Variants in SH3RF1 observed in about 807,000 individuals in gnomAD.
The protein encoded by SH3RF1 is SH3 domain containing ring finger 1.
Under a neutral mutation model 74.0 loss-of-function variants are expected in SH3RF1, and 32 were observed. The ratio of observed to expected loss-of-function variants is 0.43; its 90% confidence interval spans 0.33 to 0.58. The LOEUF (loss-of-function observed/expected upper bound fraction) is 0.58. SH3RF1 is among the 20% of genes least tolerant of loss of function. SH3RF1 has a pLI of 0.05. For synonymous variants in SH3RF1, 396 were observed against 439.6 expected, an observed-to-expected ratio of 0.90 and a Z score of 1.24; for missense variants, 954 against 1,130.9, an observed-to-expected ratio of 0.84 and a Z score of 2.24.
At chr4:169,169,888 A>AT (rs1734298381) in intron 2 of SH3RF1, among the ~76,000 whole-genome samples, 1 of 152,150 alleles carries the variant, frequency 6.6e-6, no homozygotes, top group Non-Finnish European at 1.5e-5. Context: ...GGCTTTAAAA[A>AT]TACTTTGTAA....
In SH3RF1 at chr4:169,095,695, A is replaced by G. The variant is rs1185021459; in HGVS notation, c.*824T>C. 6.6e-6 allele frequency: 1 copy of G among 152,624 alleles called. No homozygotes were observed. The highest frequency in any genetic ancestry group is 2.4e-5 in the African/African-American group (1 of 41,448). The allele number at this position is 152,624 out of a possible 1,614,324, so 9.5% of individuals were successfully genotyped here. ...AATTTCCCCTACTTTCCAACCAAACAATTGAGCTGCTTCTGCTATAAAACT... is the reference window on the plus strand; with the variant it reads ...AATTTCCCCTACTTTCCAACCAAACGATTGAGCTGCTTCTGCTATAAAACT... On this transcript the variant is annotated 3_prime_UTR_variant, in exon 12 of 12. Transcript: ENST00000284637.
chr4:169,228,420 T>C (rs1189346390), intron 2 of SH3RF1, among the ~76,000 whole-genome samples: 1 of 152,136 alleles, frequency 6.6e-6, no homozygotes, highest in African/African-American at 2.4e-5. Flanking sequence ...GGGAAAAATC[T>C]GTTTTCTTGC....
At chr4:169,186,746 C>T (rs550527085) in intron 2 of SH3RF1, among the ~76,000 whole-genome samples, 108 of 151,074 alleles carry the variant, frequency 7.1e-4, no homozygotes, top group African/African-American at 2.5e-3. Context: ...GTGGCTCATG[C>T]CTGTAATCCC....
intron 2 of SH3RF1, among the ~76,000 whole-genome samples, chr4:169,184,803 A>G (rs1045791677): frequency 1.3e-5 from 2 of 152,218 alleles, no homozygotes; most frequent in Admixed American, 6.5e-5. Context: ...AATCTAAATC[A>G]TATCTTGATT....
intron 2 of SH3RF1, among the ~76,000 whole-genome samples, chr4:169,186,528 A>C (rs1196871801): frequency 6.6e-6 from 1 of 151,916 alleles, no homozygotes; most frequent in African/African-American, 2.4e-5. Context: ...ACTATTATAA[A>C]AGGACCCTTT....
chr4:169,266,171 C>G (rs868040052), intron 2 of SH3RF1, among the ~76,000 whole-genome samples: 1 of 152,190 alleles, frequency 6.6e-6, no homozygotes, highest in South Asian at 2.1e-4. Flanking sequence ...ACAAGATGTG[C>G]GTCACACATT....
intron 4 of SH3RF1, among the ~76,000 whole-genome samples, chr4:169,147,162 A>C (rs1733906581): frequency 6.6e-6 from 1 of 152,182 alleles, no homozygotes; most frequent in South Asian, 2.1e-4. Context: ...AGTTTTATAT[A>C]TATGTTTCCA....
intron 2 of SH3RF1, among the ~76,000 whole-genome samples, chr4:169,180,741 T>C (rs1449030206): frequency 1.3e-5 from 2 of 152,232 alleles, no homozygotes; most frequent in African/African-American, 4.8e-5. Context: ...CAGATTACTG[T>C]GTACTTGAAA....
intron 2 of SH3RF1, among the ~76,000 whole-genome samples, chr4:169,259,945 T>C (rs1384200004): frequency 6.6e-6 from 1 of 152,250 alleles, no homozygotes; most frequent in East Asian, 1.9e-4. Flanking sequence ...ATTTGCCTTT[T>C]GACCTTAAAA....
intron 2 of SH3RF1, among the ~76,000 whole-genome samples, chr4:169,184,424 G>T (rs1317193841): frequency 2.6e-5 from 4 of 152,226 alleles, no homozygotes; most frequent in African/African-American, 9.6e-5. Context: ...AACATGGGCT[G>T]TGAAGTCAGT....
At chr4:169,119,985 T>C (rs1322369778) in intron 8 of SH3RF1, among the ~76,000 whole-genome samples, 1 of 152,212 alleles carries the variant, frequency 6.6e-6, no homozygotes, top group Non-Finnish European at 1.5e-5. Context: ...AAATTTTGCA[T>C]ATCTAAAGCT....
chr4:169,198,953 A>G (rs1273491291), intron 2 of SH3RF1, among the ~76,000 whole-genome samples: 1 of 152,248 alleles, frequency 6.6e-6, no homozygotes, highest in African/African-American at 2.4e-5. Context: ...ATTTATTACC[A>G]GCAGGATTTT....
intron 2 of SH3RF1, among the ~76,000 whole-genome samples, chr4:169,223,899 G>A (rs7698807): frequency 0.059 from 9,034 of 152,160 alleles, 411 homozygotes; most frequent in Admixed American, 0.15. Flanking sequence ...AGAACAGTTG[G>A]GCATATTTAA....
intron 2 of SH3RF1, among the ~76,000 whole-genome samples, chr4:169,244,267 C>T (rs1561063130): frequency 6.6e-6 from 1 of 152,138 alleles, no homozygotes; most frequent in African/African-American, 2.4e-5. Flanking sequence ...GTGCATGCAC[C>T]CACCACCATT....
chr4:169,116,495 G>A lies in SH3RF1; in HGVS notation c.1913C>T (p.Pro638Leu). The A allele has an allele frequency of 6.2e-7, 1 of 1,613,566 alleles. No individual in the cohort carries two copies. The highest frequency in any genetic ancestry group is 1.1e-5 in the South Asian group (1 of 90,910). ...LASPQPAPLM[P>L]GSATHTAAIS... ...GGCAGCAGTGTGCGTGGCTGAGCCT[G>A]GCATCAGAGGCGCAGGTTGTGGGGA... Residue 638 changes from proline (P) to leucine (L), a missense_variant, in exon 10 of 12, where the codon CCA becomes CTA. Transcript: ENST00000284637.
At chr4:169,222,142 A>G (rs1401218630) in intron 2 of SH3RF1, among the ~76,000 whole-genome samples, 1 of 152,230 alleles carries the variant, frequency 6.6e-6, no homozygotes, top group African/African-American at 2.4e-5. Flanking sequence ...AAAATCAGCA[A>G]TGTGACAATT....
intron 2 of SH3RF1, among the ~76,000 whole-genome samples, chr4:169,258,979 C>T (rs542967271): frequency 2.0e-5 from 3 of 152,218 alleles, no homozygotes; most frequent in Admixed American, 1.3e-4. Context: ...CACTGACACT[C>T]TTACTTACAT....
At position 169,267,433 on chromosome 4, in the gene SH3RF1, AAAT is replaced by A. The variant is rs1359521318; in HGVS notation, c.393+1384_393+1386del. Reference sequence around the variant, plus strand: ...AACTTGATCACTGGTTCTGGGATTAAAATATTCGAGTCCAAATAAGTAAACTCC... The same window carrying A: ...AACTTGATCACTGGTTCTGGGATTAAATTCGAGTCCAAATAAGTAAACTCC... On this transcript the variant is annotated intron_variant, in intron 2 of 11. Coordinates refer to ENST00000284637, the MANE Select transcript of SH3RF1 (RefSeq NM_020870.4). Among the ~76,000 whole-genome samples the A allele has an allele frequency of 2.0e-5, 3 of 152,234 alleles. 1 individual carries two copies. The highest frequency in any genetic ancestry group is 4.4e-5 in the Non-Finnish European group (3 of 68,028).
intron 2 of SH3RF1, among the ~76,000 whole-genome samples, chr4:169,177,713 A>C (rs906321): frequency 0.012 from 1,772 of 152,254 alleles, 39 homozygotes; most frequent in African/African-American, 0.04. Flanking sequence ...AAATATCTAT[A>C]ATGCTTTCAA....
Sources: gnomAD v4.1 joint callset for allele counts (sites outside exome capture counted in the v4.1 genomes callset) on GRCh38, gnomAD v4.1.1 for gene constraint, MANE v1.5 for transcripts, NCBI Gene and HGNC (gene_info 2026-07-23, HGNC 2026-07-21) for gene names.